KTN1: variants seen among roughly 807,000 people sequenced by gnomAD.
KTN1 encodes the protein kinectin 1.
KTN1 carries 130 observed loss-of-function variants against 222.5 expected under a neutral mutation model. That is an observed-to-expected ratio of 0.58 (90% CI 0.51 to 0.68). The LOEUF (loss-of-function observed/expected upper bound fraction) is 0.68, where lower values mean the gene tolerates loss of function less well. Among genes scored for constraint, KTN1 ranks in the 30% least tolerant of loss-of-function variants. The probability of loss-of-function intolerance (pLI) is 0.00; values close to 1 mark genes in which losing one functional copy is unlikely to be tolerated. For synonymous variants in KTN1, 512 were observed against 496.3 expected (o/e 1.03, Z -0.42); for missense variants, 1,508 against 1,500.4 (o/e 1.01, Z -0.08).
rs559855793 is a variant in KTN1, at chr14:55,632,492, TAG to T, written c.1222-741_1222-740del. 4.1e-3 allele frequency among the ~76,000 whole-genome samples: 620 copies of T among 152,228 alleles called. 2 individuals carry two copies. The highest frequency in any genetic ancestry group is 0.013 in the African/African-American group (546 of 41,538). Reference sequence around the variant, plus strand: ...ATTCTTTAATCCAAAATTTAAAAATTAGAAGAAGAAAGTTAGAGTGGTGGTCG... The same window carrying T: ...ATTCTTTAATCCAAAATTTAAAAATTAAGAAGAAAGTTAGAGTGGTGGTCG... On this transcript the variant is annotated intron_variant, in intron 7 of 43. Coordinates refer to ENST00000395314, the MANE Select transcript of KTN1 (RefSeq NM_001079521.2).
chr14:55,643,314 A>G (rs533388263), intron 18 of KTN1, among the ~76,000 whole-genome samples: 2 of 152,320 alleles, frequency 1.3e-5, no homozygotes, highest in Admixed American at 1.3e-4. Context: ...CATCTCTGAA[A>G]TAAGAATGTA....
At chr14:55,606,123 T>C (rs1566691695) in intron 1 of KTN1, among the ~76,000 whole-genome samples, 1 of 152,196 alleles carries the variant, frequency 6.6e-6, no homozygotes, top group Non-Finnish European at 1.5e-5. Flanking sequence ...TTTTTACAAA[T>C]AACCTATAAT....
intron 1 of KTN1, among the ~76,000 whole-genome samples, chr14:55,589,656 C>CT (rs765755065): frequency 0.072 from 7,306 of 101,790 alleles, 672 homozygotes; most frequent in Admixed American, 0.15. Flanking sequence ...CATCTGATTT[C>CT]TTTTTTTTTT....
At chr14:55,596,154 C>CAAAAAAAAAAAAAAAAAAAAAAAAAAA (rs71448460) in intron 1 of KTN1, among the ~76,000 whole-genome samples, 2 of 61,106 alleles carry the variant, frequency 3.3e-5, no homozygotes, top group Non-Finnish European at 6.0e-5. Flanking sequence ...GACTCAATAG[C>CAAAAAAAAAAAAAAAAAAAAAAAAAAA]AAAAAAAAAA....
chr14:55,612,505 A>G lies in KTN1; in HGVS notation c.457A>G (p.Thr153Ala). 1 of 1,612,592 alleles carries G rather than the reference A, an allele frequency of 6.2e-7. No individual in the cohort carries two copies. Among genetic ancestry groups the G allele is most frequent in the Non-Finnish European group, 8.5e-7 (1 of 1,179,624 alleles). ...ACCTGTCCCAGTTACTAAACAGCCCACCCCTCCCTCTGAAGCAGCTGCCTC... is the reference window on the plus strand; with the variant it reads ...ACCTGTCCCAGTTACTAAACAGCCCGCCCCTCCCTCTGAAGCAGCTGCCTC... ...VEPVPVTKQP[T>A]PPSEAAASKK... Residue 153 changes from threonine to alanine, a missense_variant, in exon 2 of 44, where the codon ACC becomes GCC. Transcript: ENST00000395314.
At chr14:55,600,632 C>G (rs79398217) in intron 1 of KTN1, among the ~76,000 whole-genome samples, 1 of 152,064 alleles carries the variant, frequency 6.6e-6, no homozygotes, top group South Asian at 2.1e-4. Flanking sequence ...ACTCAGAAAT[C>G]TTATGAAAGG....
rs71448460 is a variant in KTN1 at position 55,596,154 on chromosome 14, C to CAAAA, written c.-31+15816_-31+15819dup. Among the ~76,000 whole-genome samples, 6 of 61,104 alleles carry CAAAA rather than the reference C, an allele frequency of 9.8e-5. 1 individual carries two copies. In the South Asian group the frequency reaches 1.9e-3, roughly 20 times the overall value. The allele number at this position is 61,104 out of a possible 152,430, so 40.1% of individuals were successfully genotyped here. On this transcript the variant is annotated intron_variant, in intron 1 of 43. Transcript: ENST00000395314. ...TGGGCGACAGAGCAAGACTCAATAG[C>CAAAA]AAAAAAAAAAAAAAAAAAAGTAAAA...
At chr14:55,581,462 T>C (rs1459761190) in intron 1 of KTN1, among the ~76,000 whole-genome samples, 1 of 150,662 alleles carries the variant, frequency 6.6e-6, no homozygotes, top group Non-Finnish European at 1.5e-5. Context: ...TGTGTGTGAG[T>C]GTGTGTGTGT....
intron 1 of KTN1, among the ~76,000 whole-genome samples, chr14:55,603,939 T>G (rs182513956): frequency 2.0e-5 from 3 of 152,314 alleles, no homozygotes; most frequent in African/African-American, 7.2e-5. Flanking sequence ...TCATCTTGGC[T>G]CTACCTTTAT....
At chr14:55,600,574 G>GC (rs2035820923) in intron 1 of KTN1, among the ~76,000 whole-genome samples, 1 of 152,164 alleles carries the variant, frequency 6.6e-6, no homozygotes, top group South Asian at 2.1e-4. Flanking sequence ...TGCCTGTTGA[G>GC]CTGGGTCTAA....
At chr14:55,679,328 C>A in intron 42 of KTN1, 1 of 361,160 alleles carries the variant, frequency 2.8e-6, no homozygotes, top group Non-Finnish European at 4.9e-6. Flanking sequence ...ATTTTTTTTC[C>A]TTTTGTGTCC....
chr14:55,656,403 A>T, intron 29 of KTN1: 1 of 315,174 alleles, frequency 3.2e-6, no homozygotes, highest in Non-Finnish European at 5.7e-6. Context: ...AGATCTTTCC[A>T]TATAAAGCAC....
intron 41 of KTN1, 104 bp downstream of exon 41, chr14:55,676,022 T>TTCTTTG: frequency 1.4e-6 from 1 of 721,734 alleles, no homozygotes; most frequent in Non-Finnish European, 2.3e-6. Context: ...TTTTGCATCA[T>TTCTTTG]AATATTAACC....
intron 33 of KTN1, among the ~76,000 whole-genome samples, chr14:55,665,707 A>G (rs1015147185): frequency 1.3e-5 from 2 of 152,036 alleles, no homozygotes; most frequent in African/African-American, 4.8e-5. Context: ...AGAAACTCTT[A>G]TACATTTCAC....
At chr14:55,588,745 A>G (rs1213080994) in intron 1 of KTN1, among the ~76,000 whole-genome samples, 3 of 152,196 alleles carry the variant, frequency 2.0e-5, no homozygotes, top group Non-Finnish European at 4.4e-5. Context: ...TGCAAATGGC[A>G]CCATGTACAG....
chr14:55,639,732 T>C (rs998131684), intron 13 of KTN1, among the ~76,000 whole-genome samples, 181 bp from the exon 14 acceptor site: 1 of 151,794 alleles, frequency 6.6e-6, no homozygotes, highest in Non-Finnish European at 1.5e-5. Context: ...AAAACAGGGT[T>C]ATGTATTTTA....
intron 5 of KTN1, among the ~76,000 whole-genome samples, chr14:55,624,542 CAT>C (rs2039553884): frequency 6.6e-6 from 1 of 152,144 alleles, no homozygotes; most frequent in South Asian, 2.1e-4. Flanking sequence ...TTACAATTAA[CAT>C]ATTTCTCTGG....
In KTN1 at chr14:55,636,600, C is replaced by T. The variant is rs147068139; in HGVS notation, c.1549+64C>T. 13 of 1,191,526 alleles carry T rather than the reference C, an allele frequency of 1.1e-5. No homozygotes were observed. In the African/African-American group the frequency reaches 1.5e-4, roughly 14 times the overall value. 73.8% of individuals were successfully genotyped at this position (1,191,526 alleles called of 1,614,324 possible). A position where few individuals can be genotyped will look rare whatever the true frequency, so the allele number is the denominator to read the frequency against. ...TTTTGGGTAAAATTTCCTCTCTCTT[C>T]CATCTGTGAAGAAAGTATAATTTGG... On this transcript the variant is annotated intron_variant, in intron 10 of 43. Coordinates refer to ENST00000395314, the MANE Select transcript of KTN1 (RefSeq NM_001079521.2).
chr14:55,668,562 C>T (rs1811369354), intron 34 of KTN1: 1 of 152,076 alleles, frequency 6.6e-6, no homozygotes, highest in African/African-American at 2.4e-5. Flanking sequence ...AGGGGCAAGA[C>T]CACTTCATGG....
Sources: allele counts gnomAD v4.1 joint callset (sites outside exome capture counted in the v4.1 genomes callset), GRCh38; gene constraint gnomAD v4.1.1; transcripts MANE v1.5; gene names NCBI Gene and HGNC (gene_info 2026-07-23, HGNC 2026-07-21).